The following LRRK2 variants were observed in gnomAD, a reference collection of about 807,000 sequenced individuals.
The protein encoded by LRRK2 is leucine rich repeat kinase 2, also known as leucine-rich repeat serine/threonine-protein kinase 2.
A neutral mutation model predicts 302.6 loss-of-function variants in LRRK2; 203 were observed. The ratio of observed to expected loss-of-function variants is 0.67; its 90% confidence interval spans 0.60 to 0.75. The LOEUF is 0.75. LRRK2 is among the 30% of genes least tolerant of loss of function. The pLI, the probability that LRRK2 is intolerant of heterozygous loss-of-function variation, is 0.00. For synonymous variants in LRRK2, 1,066 were observed against 1,031.9 expected (o/e 1.03, Z -0.63); for missense variants, 2,830 against 2,951.0 (o/e 0.96, Z 0.95).
At chr12:40,326,339 G>A (rs750669947) in intron 38 of LRRK2, among the ~76,000 whole-genome samples, 7 of 151,726 alleles carry the variant, frequency 4.6e-5, no homozygotes, top group Non-Finnish European at 8.8e-5. Flanking sequence ...TGGTGTGGGC[G>A]GCTGTAGTCC....
chr12:40,253,263 A>C (rs1047244581), intron 11 of LRRK2, among the ~76,000 whole-genome samples: 11 of 152,196 alleles, frequency 7.2e-5, no homozygotes, highest in African/African-American at 2.7e-4. Context: ...TGACATATAC[A>C]AAATTTTATG....
At chr12:40,267,150 T>C (rs1306589560) in intron 14 of LRRK2, among the ~76,000 whole-genome samples, 3 of 152,136 alleles carry the variant, frequency 2.0e-5, no homozygotes, top group Non-Finnish European at 4.4e-5. Context: ...AAAATGTGCA[T>C]GCTCCATACA....
chr12:40,276,853 G>C (rs1478861868), intron 16 of LRRK2, among the ~76,000 whole-genome samples: 1 of 151,954 alleles, frequency 6.6e-6, no homozygotes, highest in East Asian at 1.9e-4. Flanking sequence ...ATTTTTTTGA[G>C]ATGGGGTCTC....
rs755329104 is a variant in LRRK2 at position 40,364,940 on chromosome 12, T to C, written c.7280T>C (p.Ile2427Thr). 1.2e-6 allele frequency: 2 copies of C among 1,612,520 alleles called. No homozygotes were observed. Among genetic ancestry groups the C allele is most frequent in the Non-Finnish European group, 1.7e-6 (2 of 1,179,120 alleles). Residue 2427 changes from isoleucine (I) to threonine (T), a missense_variant, in exon 49 of 51, where the codon ATA becomes ACA. Physicochemically the swap from Ile to Thr is moderately conservative, Grantham distance 89. Transcript: ENST00000298910. ...LCLQKNTALWIGTGGGHILLL... is the reference protein window; with the variant it reads ...LCLQKNTALWTGTGGGHILLL... ...CTTCAGAAGAACACTGCTCTTTGGA[T>C]AGGAACTGGAGGAGGCCATATTTTA...
intron 2 of LRRK2, among the ~76,000 whole-genome samples, chr12:40,230,703 T>C (rs1374564124): frequency 1.3e-5 from 2 of 150,278 alleles, no homozygotes; most frequent in Non-Finnish European, 1.5e-5. Flanking sequence ...TCAAGTATAG[T>C]TCTATAGTAT....
intron 40 of LRRK2, among the ~76,000 whole-genome samples, chr12:40,338,430 C>A (rs1400937069): frequency 2.6e-5 from 4 of 152,174 alleles, no homozygotes; most frequent in African/African-American, 9.7e-5. Flanking sequence ...CTTAGCAACT[C>A]TTACAATAAT....
chr12:40,319,900 T>C, intron 33 of LRRK2, 88 bp from the exon 34 acceptor site: 1 of 1,294,534 alleles, frequency 7.7e-7, no homozygotes, highest in South Asian at 1.3e-5. Flanking sequence ...CTGACTACTT[T>C]CACTGAGCAA....
At position 40,365,192 on chromosome 12, in the gene LRRK2, A is replaced by G. The variant is rs891644594; in HGVS notation, c.7390+142A>G. The stretch of plus-strand genomic sequence containing the variant: ...TCACACAGTGAAACATAAGACTGGT[A>G]TAAATTGTGAATAGGGTCATTACAG... On this transcript the variant is annotated intron_variant, in intron 49 of 50. Coordinates refer to ENST00000298910, the MANE Select transcript of LRRK2 (RefSeq NM_198578.4). The G allele has an allele frequency of 3.3e-5, 24 of 734,810 alleles. 1 individual carries two copies. The South Asian group carries it at 4.1e-4, about 13-fold the overall frequency. 45.5% of individuals were successfully genotyped at this position (734,810 alleles called of 1,614,324 possible).
intron 38 of LRRK2, 62 bp from the exon 39 acceptor site, chr12:40,328,298 T>A: frequency 8.1e-7 from 1 of 1,237,248 alleles, no homozygotes; most frequent in South Asian, 1.2e-5. Context: ...ACAGATATAA[T>A]TTATTTAGTT....
rs976010876 is a variant in LRRK2, at chr12:40,359,459, A to G, written c.7028+15A>G. The G allele has an allele frequency of 5.0e-6, 8 of 1,606,744 alleles. No individual in the cohort carries two copies. In the Admixed American group the frequency reaches 5.0e-5, roughly 10 times the overall value. ...ACAAGCCAACTGTAAGTTATTTTTT[A>G]TCTGTACAAGTAATTTATCATTATA... On this transcript the variant is annotated intron_variant, in intron 47 of 50. Coordinates refer to ENST00000298910, the MANE Select transcript of LRRK2 (RefSeq NM_198578.4).
intron 33 of LRRK2, 59 bp downstream of exon 33, chr12:40,315,359 G>A (rs534097689): frequency 8.1e-5 from 111 of 1,370,104 alleles, no homozygotes; most frequent in Middle Eastern, 1.8e-4. Flanking sequence ...AACAGATGGC[G>A]CCCAGAGCAT....
At chr12:40,269,374 G>A (rs553003650) in intron 14 of LRRK2, among the ~76,000 whole-genome samples, 7 of 152,176 alleles carry the variant, frequency 4.6e-5, no homozygotes, top group African/African-American at 1.7e-4. Context: ...TTTTGGTCAG[G>A]GAGTTGTAAA....
At chr12:40,279,225 T>TTTTTTTTTTTTTTTTTTGAGACGG (rs1943587148) in intron 18 of LRRK2, among the ~76,000 whole-genome samples, 1 of 148,062 alleles carries the variant, frequency 6.8e-6, no homozygotes, top group African/African-American at 2.5e-5. Context: ...GTTTACTTTT[T>TTTTTTTTTTTTTTTTTTGAGACGG]AAACCTTACT....
intron 2 of LRRK2, among the ~76,000 whole-genome samples, chr12:40,226,183 G>A (rs1940870297): frequency 6.6e-6 from 1 of 152,104 alleles, no homozygotes; most frequent in African/African-American, 2.4e-5. Context: ...CTCATAGTTT[G>A]CAACTGTTGT....
chr12:40,366,803 G>A (rs1946892640), intron 49 of LRRK2: 1 of 490,456 alleles, frequency 2.0e-6, no homozygotes, highest in Non-Finnish European at 3.7e-6. Flanking sequence ...AAGAATTGCA[G>A]CAAGGAGTGG....
intron 20 of LRRK2, among the ~76,000 whole-genome samples, chr12:40,289,251 T>C (rs1166507245): frequency 1.3e-5 from 2 of 151,784 alleles, no homozygotes; most frequent in Non-Finnish European, 3.0e-5. Context: ...TTATTTATTC[T>C]GTGCCACTGA....
chr12:40,316,385 G>A, intron 33 of LRRK2: 1 of 963,332 alleles, frequency 1.0e-6, no homozygotes, highest in Non-Finnish European at 1.2e-6. Context: ...TTTGCAGTGT[G>A]TCAGTTATTA....
At chr12:40,332,311 A>G (rs1945736162) in intron 39 of LRRK2, among the ~76,000 whole-genome samples, 1 of 152,218 alleles carries the variant, frequency 6.6e-6, no homozygotes, top group African/African-American at 2.4e-5. Flanking sequence ...GGGAATATAC[A>G]CTGTTAGTTA....
intron 35 of LRRK2, among the ~76,000 whole-genome samples, chr12:40,321,594 T>C (rs1391023377): frequency 6.6e-6 from 1 of 152,112 alleles, no homozygotes; most frequent in East Asian, 1.9e-4. Context: ...AGGGAAAATA[T>C]CATTTTGGGG....
Sources: gnomAD v4.1 joint callset for allele counts (sites outside exome capture counted in the v4.1 genomes callset) on GRCh38, gnomAD v4.1.1 for gene constraint, MANE v1.5 for transcripts, NCBI Gene and HGNC (gene_info 2026-07-23, HGNC 2026-07-21) for gene names.